Variants in PSMD9 observed in about 807,000 individuals in gnomAD.
The protein encoded by PSMD9 is 26S proteasome non-ATPase regulatory subunit 9.
Under a neutral mutation model 25.9 loss-of-function variants are expected in PSMD9, and 26 were observed. The observed-to-expected ratio is 1.00, with a 90% CI of 0.73 to 1.39. PSMD9 has a LOEUF of 1.39. Among genes scored for constraint, PSMD9 ranks in the 40% most tolerant of loss-of-function variants. The probability of loss-of-function intolerance (pLI) is 0.00; values close to 1 mark genes in which losing one functional copy is unlikely to be tolerated. For missense variants in PSMD9, 303 were observed against 299.3 expected, an observed-to-expected ratio of 1.01 and a Z score of -0.09; for synonymous variants, 110 against 114.5, an observed-to-expected ratio of 0.96 and a Z score of 0.25.
chr12:121,895,229 C>T (rs971680684), intron 2 of PSMD9, among the ~76,000 whole-genome samples: 1 of 151,970 alleles, frequency 6.6e-6, no homozygotes, highest in Non-Finnish European at 1.5e-5. Flanking sequence ...TTAGTAGAGA[C>T]GAGTCTCACT....
intron 4 of PSMD9, among the ~76,000 whole-genome samples, chr12:121,904,105 G>A (rs1388791932): frequency 6.6e-6 from 1 of 152,074 alleles, no homozygotes; most frequent in Admixed American, 6.6e-5. Context: ...GAGATGGCTG[G>A]CAGTTGCCTA....
At chr12:121,891,679 G>A (rs1879083508) in intron 1 of PSMD9, among the ~76,000 whole-genome samples, 1 of 151,874 alleles carries the variant, frequency 6.6e-6, no homozygotes, top group African/African-American at 2.4e-5. Context: ...GCCGAGGTGT[G>A]TGGATCGCTT....
At position 121,917,520 on chromosome 12, in the gene PSMD9, A is replaced by C. The variant is rs927794308; in HGVS notation, c.*1209A>C. 1 of 152,172 alleles carries C rather than the reference A, an allele frequency of 6.6e-6. No individual in the cohort carries two copies. Among genetic ancestry groups the C allele is most frequent in the African/African-American group, 2.4e-5 (1 of 41,422 alleles). 9.4% of individuals were successfully genotyped at this position (152,172 alleles called of 1,614,324 possible). On this transcript the variant is annotated 3_prime_UTR_variant, in exon 6 of 6. Coordinates refer to ENST00000541212, the MANE Select transcript of PSMD9 (RefSeq NM_002813.7). The stretch of plus-strand genomic sequence containing the variant: ...CCATGGTATCAGTGTTCATTTCCCC[A>C]GTTCTTGCACACCGCTTTCTGTTTT...
Position 121,916,515 on chromosome 12 carries a change from TC to T in PSMD9, c.*205del. On this transcript the variant is annotated 3_prime_UTR_variant, in exon 6 of 6. Transcript: ENST00000541212. ...CTTAAAAACTTAGGCTTGGCCTCTT[TC>T]ACAAATTAGGCCACGGCCCTAAATA... The T allele has an allele frequency of 1.6e-6, 1 of 637,930 alleles. No individual in the cohort carries two copies. Among genetic ancestry groups the T allele is most frequent in the Non-Finnish European group, 2.7e-6 (1 of 372,682 alleles). 39.5% of individuals were successfully genotyped at this position (637,930 alleles called of 1,614,324 possible). A position where few individuals can be genotyped will look rare whatever the true frequency, so the allele number is the denominator to read the frequency against.
intron 1 of PSMD9, among the ~76,000 whole-genome samples, chr12:121,889,861 A>G (rs1879010806): frequency 6.6e-6 from 1 of 152,110 alleles, no homozygotes; most frequent in African/African-American, 2.4e-5. Context: ...GGAAGATGCA[A>G]TTAATTATGC....
intron 4 of PSMD9, among the ~76,000 whole-genome samples, chr12:121,907,570 T>A (rs1164487383): frequency 6.6e-6 from 1 of 152,154 alleles, no homozygotes; most frequent in Non-Finnish European, 1.5e-5. Context: ...TAAAAAATTA[T>A]AAATGACTGC....
At chr12:121,901,581 C>G (rs762973853) in intron 3 of PSMD9, among the ~76,000 whole-genome samples, 8 of 151,806 alleles carry the variant, frequency 5.3e-5, no homozygotes, top group Admixed American at 5.3e-4. Flanking sequence ...TCTTGAACTC[C>G]TGGCCTCAAG....
chr12:121,915,763 A>G (rs955467083), intron 4 of PSMD9, 93 bp from the exon 5 acceptor site: 40 of 1,113,046 alleles, frequency 3.6e-5, no homozygotes, highest in Non-Finnish European at 5.1e-5. Context: ...ATCTTTACCA[A>G]TTTGATAGGC....
At chr12:121,890,634 A>C (rs980376945) in intron 1 of PSMD9, among the ~76,000 whole-genome samples, 1 of 151,754 alleles carries the variant, frequency 6.6e-6, no homozygotes, top group African/African-American at 2.4e-5. Flanking sequence ...CGCCCAGCTA[A>C]TTTTTGTATT....
intron 4 of PSMD9, among the ~76,000 whole-genome samples, chr12:121,913,653 G>A (rs1280494707): frequency 4.6e-5 from 7 of 150,948 alleles, no homozygotes; most frequent in Admixed American, 4.0e-4. Flanking sequence ...CATCAAGCCT[G>A]GCTAATTAAA....
At chr12:121,894,593 G>A in intron 1 of PSMD9, 146 bp from the exon 2 acceptor site, 1 of 682,002 alleles carries the variant, frequency 1.5e-6, no homozygotes, top group Non-Finnish European at 2.6e-6. Context: ...GAGGGCATGA[G>A]TAGAGCCCCT....
At chr12:121,892,928 G>A (rs1161252356) in intron 1 of PSMD9, among the ~76,000 whole-genome samples, 1 of 152,106 alleles carries the variant, frequency 6.6e-6, no homozygotes, top group Non-Finnish European at 1.5e-5. Flanking sequence ...CAGTTATATG[G>A]TATCTGAATT....
intron 4 of PSMD9, among the ~76,000 whole-genome samples, chr12:121,912,051 TTA>T (rs1028505354): frequency 7.7e-6 from 1 of 129,950 alleles, no homozygotes; most frequent in Non-Finnish European, 1.7e-5. Flanking sequence ...ATTTATTTAT[TTA>T]TTTATTTTGA....
intron 3 of PSMD9, among the ~76,000 whole-genome samples, chr12:121,900,588 C>CAAA (rs36069883): frequency 1.6e-5 from 2 of 123,984 alleles, no homozygotes; most frequent in African/African-American, 3.1e-5. Flanking sequence ...GACTCCGTCT[C>CAAA]AAAAAAAAAA....
chr12:121,909,314 CTT>C (rs140343580), intron 4 of PSMD9, among the ~76,000 whole-genome samples: 70 of 140,998 alleles, frequency 5.0e-4, no homozygotes, highest in Non-Finnish European at 5.8e-4. Flanking sequence ...CAGCCACTGC[CTT>C]TTTTTTTTTT....
At chr12:121,892,216 G>A (rs1306580735) in intron 1 of PSMD9, among the ~76,000 whole-genome samples, 1 of 152,100 alleles carries the variant, frequency 6.6e-6, no homozygotes, top group African/African-American at 2.4e-5. Flanking sequence ...CAGCCAATTA[G>A]AAGACAGGGA....
chr12:121,889,687 A>C (rs1879003665), intron 1 of PSMD9, among the ~76,000 whole-genome samples: 1 of 152,170 alleles, frequency 6.6e-6, no homozygotes, highest in Non-Finnish European at 1.5e-5. Flanking sequence ...AGTTACAAAT[A>C]AGGCTCATCA....
chr12:121,895,993 G>T (rs2135720358), intron 2 of PSMD9, among the ~76,000 whole-genome samples: 1 of 152,240 alleles, frequency 6.6e-6, no homozygotes, highest in Non-Finnish European at 1.5e-5. Context: ...GATTCCATCT[G>T]CATCACATCT....
intron 1 of PSMD9, among the ~76,000 whole-genome samples, chr12:121,893,067 G>T (rs13378033): frequency 6.6e-6 from 1 of 152,146 alleles, no homozygotes; most frequent in African/African-American, 2.4e-5. Flanking sequence ...ATTGGGAGAG[G>T]AATATGTATT....
Sources: gnomAD v4.1 joint callset for allele counts (sites outside exome capture counted in the v4.1 genomes callset) on GRCh38, gnomAD v4.1.1 for gene constraint, MANE v1.5 for transcripts, NCBI Gene and HGNC (gene_info 2026-07-23, HGNC 2026-07-21) for gene names.